The following HS2ST1 variants were observed in gnomAD, a reference collection of about 807,000 sequenced individuals.
HS2ST1 encodes the protein 2-O-sulfotransferase.
A neutral mutation model predicts 42.9 loss-of-function variants in HS2ST1; 18 were observed. The ratio of observed to expected loss-of-function variants is 0.42; its 90% confidence interval spans 0.29 to 0.62. The LOEUF is 0.62. Ranked by LOEUF, HS2ST1 falls within the 20% of genes least tolerant of loss-of-function variation. HS2ST1 has a pLI of 0.21. For missense variants in HS2ST1, 334 were observed against 433.8 expected (o/e 0.77, Z 2.04); for synonymous variants, 146 against 152.9 (o/e 0.95, Z 0.33).
intron 5 of HS2ST1, among the ~76,000 whole-genome samples, chr1:87,101,156 G>GTTTTTTTTTTTT (rs1162453464): frequency 6.6e-5 from 6 of 91,146 alleles, no homozygotes; most frequent in Non-Finnish European, 1.2e-4. Flanking sequence ...TGTGTTTTTT[G>GTTTTTTTTTTTT]TTTTTTTTTT....
intron 1 of HS2ST1, among the ~76,000 whole-genome samples, chr1:86,994,856 A>C (rs1004273689): frequency 6.6e-6 from 1 of 152,152 alleles, no homozygotes; most frequent in Non-Finnish European, 1.5e-5. Context: ...TAAATAATGA[A>C]GTTTTCTGGA....
At chr1:86,968,551 T>A (rs1306590109) in intron 1 of HS2ST1, among the ~76,000 whole-genome samples, 1 of 151,372 alleles carries the variant, frequency 6.6e-6, no homozygotes, top group Non-Finnish European at 1.5e-5. Context: ...ACTACAGGTG[T>A]ATGCCACCAG....
chr1:86,974,991 T>C (rs989204951), intron 1 of HS2ST1, among the ~76,000 whole-genome samples: 3 of 152,182 alleles, frequency 2.0e-5, no homozygotes, highest in Non-Finnish European at 4.4e-5. Flanking sequence ...GGGACTCCTT[T>C]GAGTACAGAA....
At chr1:87,067,948 C>T (rs12086482) in intron 1 of HS2ST1, among the ~76,000 whole-genome samples, 5,016 of 152,192 alleles carry the variant, frequency 0.033, 171 homozygotes, top group African/African-American at 0.083. Flanking sequence ...GATACCAGTA[C>T]CATGCTGTTT....
intron 1 of HS2ST1, among the ~76,000 whole-genome samples, chr1:87,015,351 T>TG (rs1649721729): frequency 6.8e-6 from 1 of 146,864 alleles, no homozygotes; most frequent in African/African-American, 2.5e-5. Context: ...TGGCCCTGTT[T>TG]TTTTTTTTTT....
intron 1 of HS2ST1, among the ~76,000 whole-genome samples, chr1:87,061,259 A>G (rs1651113926): frequency 6.6e-6 from 1 of 152,146 alleles, no homozygotes; most frequent in Non-Finnish European, 1.5e-5. Context: ...TTGAAGTGAA[A>G]CAAACATAAG....
At chr1:87,103,955 C>T (rs957091915) in intron 6 of HS2ST1, among the ~76,000 whole-genome samples, 18 of 152,062 alleles carry the variant, frequency 1.2e-4, no homozygotes, top group African/African-American at 4.1e-4. Flanking sequence ...CAGCCTCAGC[C>T]GTATTATCAT....
chr1:86,974,355 A>G (rs1238933460), intron 1 of HS2ST1, among the ~76,000 whole-genome samples: 1 of 152,218 alleles, frequency 6.6e-6, no homozygotes, highest in Non-Finnish European at 1.5e-5. Context: ...CATTGAAATG[A>G]GTCCAGAGAG....
intron 1 of HS2ST1, among the ~76,000 whole-genome samples, chr1:86,979,905 G>A (rs1352605341): frequency 3.3e-5 from 5 of 152,094 alleles, no homozygotes; most frequent in African/African-American, 1.2e-4. Context: ...CATCCTAAAG[G>A]TCATGAAGTA....
At chr1:87,030,518 A>G (rs116702881) in intron 1 of HS2ST1, among the ~76,000 whole-genome samples, 3,647 of 152,086 alleles carry the variant, frequency 0.024, 49 homozygotes, top group South Asian at 0.053. Context: ...ATACACAGAC[A>G]TGCATGCACA....
intron 1 of HS2ST1, among the ~76,000 whole-genome samples, chr1:87,001,854 C>T (rs761763673): frequency 6.6e-6 from 1 of 151,864 alleles, no homozygotes; most frequent in Non-Finnish European, 1.5e-5. Flanking sequence ...CTCATGTGAT[C>T]CGTCCACATC....
chr1:87,096,593 T>G lies in HS2ST1; in HGVS notation c.589-1245T>G, dbSNP rs1412473992. Among the ~76,000 whole-genome samples the G allele has an allele frequency of 3.3e-5, 5 of 152,234 alleles. No individual in the cohort carries two copies. The East Asian group carries it at 9.6e-4, about 29-fold the overall frequency. On this transcript the variant is annotated intron_variant, in intron 4 of 6. Coordinates refer to ENST00000370550, the MANE Select transcript of HS2ST1 (RefSeq NM_012262.4). ...CTCAACCTCAACATTATTGTTGTTT[T>G]GGGCCAGATAATTCTTTGTTGTGGG... is the stretch of plus-strand genomic sequence containing the variant.
intron 4 of HS2ST1, among the ~76,000 whole-genome samples, chr1:87,093,950 C>T (rs150061029): frequency 3.3e-5 from 5 of 151,780 alleles, no homozygotes; most frequent in Admixed American, 1.3e-4. Flanking sequence ...AGATAACTAA[C>T]CAAATCTGTT....
chr1:87,098,750 A>G (rs908088650), intron 5 of HS2ST1, among the ~76,000 whole-genome samples: 2 of 152,200 alleles, frequency 1.3e-5, no homozygotes, highest in African/African-American at 4.8e-5. Context: ...TACAGGTTGT[A>G]TCCTGCAGAC....
intron 1 of HS2ST1, among the ~76,000 whole-genome samples, chr1:86,977,746 TTATGG>T (rs1648460898): frequency 6.6e-6 from 1 of 152,210 alleles, no homozygotes; most frequent in Non-Finnish European, 1.5e-5. Context: ...GGTAATGCTT[TTATGG>T]CTAACTACTT....
intron 1 of HS2ST1, among the ~76,000 whole-genome samples, chr1:86,970,996 A>G (rs1272312494): frequency 6.6e-6 from 1 of 152,216 alleles, no homozygotes; most frequent in Non-Finnish European, 1.5e-5. Context: ...ATGCCAGATC[A>G]GTTGATTATC....
intron 1 of HS2ST1, among the ~76,000 whole-genome samples, chr1:86,950,691 G>A (rs1037517949): frequency 6.6e-6 from 1 of 152,154 alleles, no homozygotes; most frequent in Non-Finnish European, 1.5e-5. Flanking sequence ...GAAAAATTGT[G>A]TCTGTGCAAG....
chr1:86,993,648 T>G (rs1295179485), intron 1 of HS2ST1, among the ~76,000 whole-genome samples: 2 of 152,194 alleles, frequency 1.3e-5, no homozygotes, highest in African/African-American at 4.8e-5. Context: ...GATTTTTAGT[T>G]GAGACATTCT....
intron 1 of HS2ST1, among the ~76,000 whole-genome samples, chr1:86,969,782 G>A (rs1648176004): frequency 6.6e-6 from 1 of 151,808 alleles, no homozygotes; most frequent in Non-Finnish European, 1.5e-5. Context: ...ACTTTTAGCA[G>A]TAACTTGTTT....
Sources: gnomAD v4.1 joint callset for allele counts (sites outside exome capture counted in the v4.1 genomes callset) on GRCh38, gnomAD v4.1.1 for gene constraint, MANE v1.5 for transcripts, NCBI Gene and HGNC (gene_info 2026-07-23, HGNC 2026-07-21) for gene names.